Variants in CELF5 observed in about 807,000 individuals in gnomAD.
The protein encoded by CELF5 is CUG-BP and ETR-3 like factor 5.
A neutral mutation model predicts 54.9 loss-of-function variants in CELF5; 6 were observed. The observed-to-expected ratio is 0.11, with a 90% CI of 0.06 to 0.22. The LOEUF is 0.22. CELF5 is among the 10% of genes least tolerant of loss of function. CELF5 has a pLI of 1.00. For synonymous variants in CELF5, 271 were observed against 290.9 expected (o/e 0.93, Z 0.70); for missense variants, 401 against 678.6 (o/e 0.59, Z 4.54).
chr19:3,261,953 C>A (rs924719750), intron 2 of CELF5, among the ~76,000 whole-genome samples: 23 of 152,174 alleles, frequency 1.5e-4, no homozygotes, highest in Non-Finnish European at 3.1e-4. Context: ...GTGCAGTGTG[C>A]TGATCACTAG....
At position 3,282,359 on chromosome 19, in the gene CELF5, C is replaced by T. The variant is rs200569150; in HGVS notation, c.900C>T (p.His300=). ...ATPIAPASGL[H]SPPLLGTTAV... is the part of the protein sequence containing the mutation. Reference sequence around the variant, plus strand: ...CCCTCTTCCGCTCTGCAGGGCTGCACTCACCCCCGCTGCTGGGCACCACCG... The same window carrying T: ...CCCTCTTCCGCTCTGCAGGGCTGCATTCACCCCCGCTGCTGGGCACCACCG... The change falls in exon 8 of 13, where the codon CAC becomes CAT. Residue 300 remains histidine, a synonymous_variant. Coordinates refer to ENST00000292672, the MANE Select transcript of CELF5 (RefSeq NM_021938.4). The surrounding 1 kb of genome is among the most constrained non-coding windows in gnomAD (Gnocchi z 5.2). 1.7e-5 allele frequency: 28 copies of T among 1,609,518 alleles called. No homozygotes were observed. In the East Asian group the frequency reaches 5.6e-4, roughly 32 times the overall value.
At chr19:3,287,020 G>A (rs2080261714) in intron 10 of CELF5, among the ~76,000 whole-genome samples, 1 of 125,100 alleles carries the variant, frequency 8.0e-6, no homozygotes, top group Admixed American at 9.7e-5. Context: ...GGGCGACAGA[G>A]CAAGACTCCG....
chr19:3,240,682 A>G (rs1311599092), intron 1 of CELF5, among the ~76,000 whole-genome samples: 2 of 151,718 alleles, frequency 1.3e-5, no homozygotes, highest in Non-Finnish European at 2.9e-5. Context: ...CTCTTGTTCT[A>G]TGGCCCCAGC....
chr19:3,233,460 G>A (rs1278618324), intron 1 of CELF5, among the ~76,000 whole-genome samples: 1 of 152,248 alleles, frequency 6.6e-6, no homozygotes, highest in East Asian at 1.9e-4. Context: ...CTAAAGATGT[G>A]TGTTGGGAGA....
chr19:3,267,101 G>A (rs1360108328), intron 2 of CELF5, among the ~76,000 whole-genome samples: 1 of 151,352 alleles, frequency 6.6e-6, no homozygotes, highest in Non-Finnish European at 1.5e-5. Context: ...GTGTGTGTGT[G>A]TGTGTGCGTG....
At chr19:3,240,553 C>T (rs1171137434) in intron 1 of CELF5, among the ~76,000 whole-genome samples, 1 of 151,922 alleles carries the variant, frequency 6.6e-6, no homozygotes, top group Non-Finnish European at 1.5e-5. Flanking sequence ...GTCTTGAACT[C>T]CTGACCTTAG....
At chr19:3,227,167 C>T (rs1916972128) in intron 1 of CELF5, among the ~76,000 whole-genome samples, 2 of 152,090 alleles carry the variant, frequency 1.3e-5, no homozygotes, top group South Asian at 2.1e-4. Context: ...GGCTGGACTT[C>T]ACCTGGTCTT....
At chr19:3,234,490 C>T (rs548534392) in intron 1 of CELF5, among the ~76,000 whole-genome samples, 63 of 152,198 alleles carry the variant, frequency 4.1e-4, no homozygotes, top group Non-Finnish European at 7.4e-4. Flanking sequence ...CTTCTGGCTG[C>T]GAGTGGTGTC....
chr19:3,284,898 G>T lies in CELF5; in HGVS notation c.1040-4G>T. The stretch of plus-strand genomic sequence containing the variant: ...CCCCACTCAGCCCCTCTGTCTGCCC[G>T]CAGCTCAGAGCCCGACTGTGGCCGA... On this transcript the variant is annotated splice_region_variant and splice_polypyrimidine_tract_variant and intron_variant, in intron 8 of 12. Transcript: ENST00000292672. The T allele has an allele frequency of 6.2e-7, 1 of 1,612,316 alleles. No homozygotes were observed. Among genetic ancestry groups the T allele is most frequent in the Non-Finnish European group, 8.5e-7 (1 of 1,179,222 alleles).
At chr19:3,248,286 G>A (rs1293235993) in intron 1 of CELF5, among the ~76,000 whole-genome samples, 1 of 152,084 alleles carries the variant, frequency 6.6e-6, no homozygotes, top group South Asian at 2.1e-4. Context: ...CTCCTAAAGT[G>A]CTGGGATGAC....
chr19:3,245,816 G>A (rs535984076), intron 1 of CELF5, among the ~76,000 whole-genome samples: 1 of 152,272 alleles, frequency 6.6e-6, no homozygotes, highest in Admixed American at 6.5e-5. Flanking sequence ...CCCCCAAAGT[G>A]ACAAGGTGCC....
chr19:3,296,455 AAGAAAAG>A, intron 12 of CELF5: 4 of 143,158 alleles, frequency 2.8e-5, no homozygotes, highest in East Asian at 2.0e-4. Context: ...AAAAAAAAAA[AAGAAAAG>A]AAAAAAGAAA....
intron 12 of CELF5, chr19:3,293,933 C>G: frequency 6.3e-6 from 1 of 158,636 alleles, no homozygotes; most frequent in South Asian, 1.9e-4. Flanking sequence ...GGTTGGACCC[C>G]AACTCGGAAC....
chr19:3,286,245 CCGTAGGAA>C (rs1479045069), intron 10 of CELF5: 1 of 498,498 alleles, frequency 2.0e-6, no homozygotes, highest in African/African-American at 2.0e-5. Context: ...CGCCCCGACC[CCGTAGGAA>C]TAGCAGTGAC....
intron 2 of CELF5, among the ~76,000 whole-genome samples, chr19:3,271,561 A>C (rs2079964996): frequency 6.6e-6 from 1 of 152,080 alleles, no homozygotes; most frequent in Admixed American, 6.5e-5. Context: ...GGCCCCAAAG[A>C]CTGAGTTCAA....
At chr19:3,266,143 T>A (rs1170525584) in intron 2 of CELF5, among the ~76,000 whole-genome samples, 1 of 152,160 alleles carries the variant, frequency 6.6e-6, no homozygotes, top group African/African-American at 2.4e-5. Context: ...AGGGACAGAT[T>A]ATGCAGAAAT....
At chr19:3,244,923 G>T (rs534874335) in intron 1 of CELF5, among the ~76,000 whole-genome samples, 3 of 147,396 alleles carry the variant, frequency 2.0e-5, no homozygotes, top group African/African-American at 7.5e-5. Context: ...GCATACATCT[G>T]TACGTGTGTG....
intron 11 of CELF5, 35 bp from the exon 12 acceptor site, chr19:3,293,284 G>A (rs1461432781): frequency 1.2e-6 from 2 of 1,612,502 alleles, no homozygotes; most frequent in African/African-American, 2.7e-5. Context: ...GACACCCGCA[G>A]CGCCAACCAC....
intron 1 of CELF5, among the ~76,000 whole-genome samples, chr19:3,231,523 T>C (rs1468183647): frequency 1.4e-5 from 2 of 143,178 alleles, no homozygotes; most frequent in Non-Finnish European, 3.1e-5. Context: ...GATGGATGGG[T>C]GGATGAGTAG....
Sources: gnomAD v4.1 joint callset for allele counts (sites outside exome capture counted in the v4.1 genomes callset) on GRCh38, gnomAD v4.1.1 for gene constraint, Gnocchi (gnomAD v3.1) non-coding constraint, MANE v1.5 for transcripts, NCBI Gene and HGNC (gene_info 2026-07-23, HGNC 2026-07-21) for gene names.